Variants in TLL1 observed in about 807,000 individuals in gnomAD.
TLL1 encodes the protein tolloid-like protein 1.
Under a neutral mutation model 128.2 loss-of-function variants are expected in TLL1, and 49 were observed. The ratio of observed to expected loss-of-function variants is 0.38; its 90% confidence interval spans 0.30 to 0.48. The LOEUF is 0.48. TLL1 is among the 20% of genes least tolerant of loss of function. The pLI is 0.96. For missense variants in TLL1, 1,123 were observed against 1,242.0 expected (o/e 0.90, Z 1.44); for synonymous variants, 454 against 418.8 (o/e 1.08, Z -1.03).
intron 14 of TLL1, among the ~76,000 whole-genome samples, chr4:166,059,160 G>A (rs1248519256): frequency 6.1e-5 from 9 of 148,296 alleles, no homozygotes; most frequent in Non-Finnish European, 8.9e-5. Flanking sequence ...AGTAACTACA[G>A]GTAGTGTTTG....
rs1739114056 is a variant in TLL1, at chr4:166,038,839, A to G, written c.1159-500A>G. 3.9e-5 allele frequency among the ~76,000 whole-genome samples: 6 copies of G among 152,314 alleles called. No individual in the cohort carries two copies. The South Asian group carries it at 1.2e-3, about 32-fold the overall frequency. ...CTAGGACTGTATTTAAAACATTTCA[A>G]CATGCACAATGATATTATATGTTCT... On this transcript the variant is annotated intron_variant, in intron 9 of 20. Coordinates refer to ENST00000061240, the MANE Select transcript of TLL1 (RefSeq NM_012464.5).
chr4:165,933,786 C>A (rs1733641217), intron 1 of TLL1, among the ~76,000 whole-genome samples: 1 of 152,106 alleles, frequency 6.6e-6, no homozygotes, highest in African/African-American at 2.4e-5. Flanking sequence ...CAAGCACTCT[C>A]CACTTCTGCT....
intron 1 of TLL1, among the ~76,000 whole-genome samples, chr4:165,983,407 A>T (rs1369502111): frequency 6.6e-6 from 1 of 151,916 alleles, no homozygotes; most frequent in African/African-American, 2.4e-5. Context: ...AAAGGATTGA[A>T]AAAGGCAACA....
At chr4:165,945,694 G>T (rs1734213839) in intron 1 of TLL1, among the ~76,000 whole-genome samples, 1 of 152,042 alleles carries the variant, frequency 6.6e-6, no homozygotes, top group Non-Finnish European at 1.5e-5. Context: ...AATTAAAACG[G>T]AAATGTAAAA....
intron 12 of TLL1, among the ~76,000 whole-genome samples, chr4:166,050,410 G>T (rs1282767795): frequency 1.3e-5 from 2 of 152,152 alleles, no homozygotes; most frequent in African/African-American, 4.8e-5. Flanking sequence ...ACGTAAGTAT[G>T]CAAATATCTC....
intron 19 of TLL1, among the ~76,000 whole-genome samples, chr4:166,092,738 T>C (rs1215631385): frequency 6.6e-6 from 1 of 152,154 alleles, no homozygotes; most frequent in Non-Finnish European, 1.5e-5. Context: ...TATTTTTTCT[T>C]AGTTTTATAA....
intron 1 of TLL1, among the ~76,000 whole-genome samples, chr4:165,899,521 T>C (rs927188663): frequency 3.3e-5 from 5 of 152,094 alleles, no homozygotes; most frequent in African/African-American, 1.2e-4. Context: ...TTTCCATGTA[T>C]TTGTGCGGTT....
intron 16 of TLL1, among the ~76,000 whole-genome samples, chr4:166,072,372 C>T (rs1218313883): frequency 6.6e-6 from 1 of 151,370 alleles, no homozygotes; most frequent in Non-Finnish European, 1.5e-5. Flanking sequence ...TATACTTGTT[C>T]TCTTTCTTTT....
At chr4:165,961,379 A>G (rs1735092061) in intron 1 of TLL1, among the ~76,000 whole-genome samples, 1 of 152,192 alleles carries the variant, frequency 6.6e-6, no homozygotes, top group Non-Finnish European at 1.5e-5. Context: ...AATATTCTTA[A>G]AATGGCCATA....
chr4:166,070,065 A>G (rs972687165), intron 16 of TLL1, among the ~76,000 whole-genome samples: 6 of 151,816 alleles, frequency 4.0e-5, no homozygotes, highest in Non-Finnish European at 8.8e-5. Flanking sequence ...TCTAGAAGAT[A>G]TATAGTCCAA....
intron 1 of TLL1, among the ~76,000 whole-genome samples, chr4:165,974,028 T>C (rs900543970): frequency 6.6e-6 from 1 of 151,906 alleles, no homozygotes; most frequent in East Asian, 1.9e-4. Flanking sequence ...TTTCATCCCA[T>C]GTGTCTGGGT....
intron 1 of TLL1, among the ~76,000 whole-genome samples, chr4:165,920,204 G>T (rs1579487795): frequency 1.3e-5 from 2 of 152,108 alleles, no homozygotes; most frequent in Non-Finnish European, 2.9e-5. Flanking sequence ...GAGTTGCTTT[G>T]CACGTTGGCA....
At chr4:166,096,043 C>A (rs551275919) in intron 19 of TLL1, among the ~76,000 whole-genome samples, 34 of 152,196 alleles carry the variant, frequency 2.2e-4, no homozygotes, top group African/African-American at 8.2e-4. Context: ...CACTCAGAAG[C>A]AATTGCCCTC....
intron 1 of TLL1, among the ~76,000 whole-genome samples, chr4:165,900,662 T>G (rs946703521): frequency 9.3e-5 from 13 of 140,236 alleles, no homozygotes; most frequent in Non-Finnish European, 6.4e-5. Flanking sequence ...CTTGCTGCCC[T>G]TAACATTTTT....
intron 1 of TLL1, among the ~76,000 whole-genome samples, chr4:165,954,959 A>G (rs1029961674): frequency 6.6e-6 from 1 of 152,124 alleles, no homozygotes; most frequent in African/African-American, 2.4e-5. Context: ...GTTCCTAACC[A>G]GACTGAAATG....
chr4:165,941,206 G>T (rs778397836), intron 1 of TLL1, among the ~76,000 whole-genome samples: 1 of 152,102 alleles, frequency 6.6e-6, no homozygotes, highest in East Asian at 1.9e-4. Flanking sequence ...TGAACACAAA[G>T]AACTTACTTA....
In TLL1 at chr4:166,076,973, G is replaced by A. The variant is rs117630896; in HGVS notation, c.2315-930G>A. On this transcript the variant is annotated intron_variant, in intron 17 of 20. Transcript: ENST00000061240. The stretch of plus-strand genomic sequence containing the variant: ...CATGTTACCCTTGCTGTGTGGCCCC[G>A]AAGGGTATAACAAGTGTGTTGTCCA... Among the ~76,000 whole-genome samples the A allele has an allele frequency of 2.9e-3, 441 of 152,214 alleles. 8 individuals carry two copies. The highest frequency in any genetic ancestry group is 0.023 in the East Asian group (120 of 5,168).
At chr4:166,067,667 C>T (rs1380188369) in intron 16 of TLL1, among the ~76,000 whole-genome samples, 1 of 151,638 alleles carries the variant, frequency 6.6e-6, no homozygotes, top group Non-Finnish European at 1.5e-5. Flanking sequence ...TTTATCAGTG[C>T]ACTTAAAATA....
intron 17 of TLL1, 95 bp from the exon 18 acceptor site, chr4:166,077,808 C>G: frequency 2.5e-6 from 4 of 1,569,756 alleles, no homozygotes; most frequent in Non-Finnish European, 3.5e-6. Context: ...TCAGGAAAAT[C>G]TTTCAACAGG....
Sources: gnomAD v4.1 joint callset for allele counts (sites outside exome capture counted in the v4.1 genomes callset) on GRCh38, gnomAD v4.1.1 for gene constraint, MANE v1.5 for transcripts, NCBI Gene and HGNC (gene_info 2026-07-23, HGNC 2026-07-21) for gene names.